Variants in CHST6 observed in about 807,000 individuals in gnomAD.
The protein encoded by CHST6 is carbohydrate sulfotransferase 6.
For synonymous variants in CHST6, 309 were observed against 276.4 expected (o/e 1.12, Z -1.17); for missense variants, 698 against 586.2 (o/e 1.19, Z -1.97).
intron 1 of CHST6, among the ~76,000 whole-genome samples, chr16:75,482,801 C>T (rs1164862668): frequency 6.6e-6 from 1 of 152,108 alleles, no homozygotes; most frequent in East Asian, 1.9e-4. Context: ...GAGCAGATCT[C>T]CTCTCTGCCC....
Position 75,473,958 on chromosome 16 carries a change from G to A in CHST6, c.*4683C>T, listed in dbSNP as rs1251769225. ...AGGCCAAGGCAGGTGGATCACCTGA[G>A]GTCAGGAGTTCCAGCCCAGCCTGAT... On this transcript the variant is annotated 3_prime_UTR_variant, in exon 3 of 3. Transcript: ENST00000332272. 6.6e-6 allele frequency: 1 copy of A among 152,176 alleles called. No homozygotes were observed. The highest frequency in any genetic ancestry group is 2.4e-5 in the African/African-American group (1 of 41,398). The allele number at this position is 152,176 out of a possible 1,614,324, so 9.4% of individuals were successfully genotyped here.
intron 1 of CHST6, among the ~76,000 whole-genome samples, chr16:75,488,073 G>A (rs2080220001): frequency 6.6e-6 from 1 of 152,154 alleles, no homozygotes; most frequent in East Asian, 1.9e-4. Context: ...TTCCAGCCCT[G>A]TTCATAGAAT....
intron 1 of CHST6, among the ~76,000 whole-genome samples, chr16:75,486,823 C>T (rs2080203241): frequency 1.3e-5 from 2 of 152,104 alleles, no homozygotes; most frequent in South Asian, 4.1e-4. Flanking sequence ...GACAGTGAAA[C>T]CCTTGGTGGG....
rs1478882557 is a variant in CHST6, at chr16:75,478,941, C to T, written c.888G>A (p.Thr296=). The change falls in exon 3 of 3, where the codon ACG becomes ACA. Residue 296 remains threonine, a synonymous_variant. Transcript: ENST00000332272. The part of the protein sequence containing the change: ...ALYAFTGLSL[T]PQLEAWIHNI... ...TATGGATCCAGGCCTCGAGCTGTGG[C>T]GTGAGACTGAGCCCAGTGAAGGCGT... The T allele has an allele frequency of 6.2e-7, 1 of 1,612,976 alleles. No individual in the cohort carries two copies. Among genetic ancestry groups the T allele is most frequent in the South Asian group, 1.1e-5 (1 of 91,090 alleles).
In CHST6 at chr16:75,473,718, G is replaced by T. The variant is rs2151661950; in HGVS notation, c.*4923C>A. The T allele has an allele frequency of 6.6e-6, 1 of 152,206 alleles. No individual in the cohort carries two copies. The highest frequency in any genetic ancestry group is 1.9e-4 in the East Asian group (1 of 5,182). The allele number at this position is 152,206 out of a possible 1,614,324, so 9.4% of individuals were successfully genotyped here. A position where few individuals can be genotyped will look rare whatever the true frequency, so the allele number is the denominator to read the frequency against. ...CCTCTCGGATATTTACCATCCCATA[G>T]TTTACCACCTTTGGAAGCCTAAAAC... is the stretch of plus-strand genomic sequence containing the variant. On this transcript the variant is annotated 3_prime_UTR_variant, in exon 3 of 3. Coordinates refer to ENST00000332272, the MANE Select transcript of CHST6 (RefSeq NM_021615.5).
At position 75,477,707 on chromosome 16, in the gene CHST6, C is replaced by G. The variant is rs2080081229; in HGVS notation, c.*934G>C. On this transcript the variant is annotated 3_prime_UTR_variant, in exon 3 of 3. Coordinates refer to ENST00000332272, the MANE Select transcript of CHST6 (RefSeq NM_021615.5). The stretch of plus-strand genomic sequence containing the variant: ...GGAGGTGTGGCTCACAGGCAGGGAT[C>G]ATCCTCTGCTTTCCTCCAAGGCCTG... The G allele has an allele frequency of 6.6e-6, 1 of 152,536 alleles. No homozygotes were observed. Among genetic ancestry groups the G allele is most frequent in the South Asian group, 2.1e-4 (1 of 4,836 alleles). 9.4% of individuals were successfully genotyped at this position (152,536 alleles called of 1,614,324 possible). A position where few individuals can be genotyped will look rare whatever the true frequency, so the allele number is the denominator to read the frequency against.
At chr16:75,488,505 TG>T (rs2080224815) in intron 1 of CHST6, among the ~76,000 whole-genome samples, 1 of 146,424 alleles carries the variant, frequency 6.8e-6, no homozygotes, top group African/African-American at 2.5e-5. Context: ...TCCCAAAGGC[TG>T]GAAAAAACAT....
chr16:75,478,934 G>T lies in CHST6; in HGVS notation c.895C>A (p.Leu299Ile), dbSNP rs1396047737. 1 of 1,613,132 alleles carries T rather than the reference G, an allele frequency of 6.2e-7. No individual in the cohort carries two copies. Among genetic ancestry groups the T allele is most frequent in the Non-Finnish European group, 8.5e-7 (1 of 1,179,960 alleles). ...GTGATGTTATGGATCCAGGCCTCGA[G>T]CTGTGGCGTGAGACTGAGCCCAGTG... ...AFTGLSLTPQLEAWIHNITHG... is the reference protein window; with the variant it reads ...AFTGLSLTPQIEAWIHNITHG... The change falls in exon 3 of 3, where the codon CTC becomes ATC. Residue 299 changes from leucine (L) to isoleucine (I), a missense_variant. Leu to Ile is a conservative substitution (Grantham distance 5). Transcript: ENST00000332272.
chr16:75,483,512 G>A lies in CHST6; in HGVS notation c.-91-1621C>T, dbSNP rs2080164180. On this transcript the variant is annotated intron_variant, in intron 1 of 2. Transcript: ENST00000332272. Reference sequence around the variant, plus strand: ...TTCCTAGCTGAGAGCATTCTGATAGGAGCCTTACGTTCAGCACAGTAGACA... The same window carrying A: ...TTCCTAGCTGAGAGCATTCTGATAGAAGCCTTACGTTCAGCACAGTAGACA... 2.0e-5 allele frequency among the ~76,000 whole-genome samples: 3 copies of A among 152,168 alleles called. No individual in the cohort carries two copies. In the South Asian group the frequency reaches 6.2e-4, roughly 32 times the overall value.
At chr16:75,489,105 A>C (rs2151672251) in intron 1 of CHST6, among the ~76,000 whole-genome samples, 1 of 151,900 alleles carries the variant, frequency 6.6e-6, no homozygotes, top group East Asian at 1.9e-4. Context: ...GAGGTGTAGA[A>C]AAATTAAGGG....
intron 1 of CHST6, among the ~76,000 whole-genome samples, chr16:75,484,573 C>T (rs1230487282): frequency 4.0e-5 from 6 of 150,222 alleles, no homozygotes; most frequent in South Asian, 2.1e-4. Context: ...TTCTAAGCCA[C>T]GCATGGTGGC....
chr16:75,479,214 C>T lies in CHST6; in HGVS notation c.615G>A (p.Arg205=). ...TCTGCTCCCGGGAGCGCAGCACGGCCCGCGGGTCGCGCACCAGGTGCACGA... is the reference window on the plus strand; with the variant it reads ...TCTGCTCCCGGGAGCGCAGCACGGCTCGCGGGTCGCGCACCAGGTGCACGA... ...LRIVHLVRDP[R]AVLRSREQTA... is the part of the protein sequence containing the mutation. Residue 205 remains arginine (R), a synonymous_variant, in exon 3 of 3, where the codon CGG becomes CGA. Coordinates refer to ENST00000332272, the MANE Select transcript of CHST6 (RefSeq NM_021615.5). 6.2e-7 allele frequency: 1 copy of T among 1,609,964 alleles called. No individual in the cohort carries two copies. The highest frequency in any genetic ancestry group is 8.5e-7 in the Non-Finnish European group (1 of 1,179,418).
rs1479127893 is a variant in CHST6, at chr16:75,472,321, TA to T, written c.*6319del. The T allele has an allele frequency of 6.6e-6, 1 of 152,040 alleles. No homozygotes were observed. Among genetic ancestry groups the T allele is most frequent in the Non-Finnish European group, 1.5e-5 (1 of 67,992 alleles). The allele number at this position is 152,040 out of a possible 1,614,324, so 9.4% of individuals were successfully genotyped here. ...TAAGAAGCCTGAGGGGAAAATGCCA[TA>T]AAGTAAGTTAACAAAACAACAACAA... On this transcript the variant is annotated 3_prime_UTR_variant, in exon 3 of 3. Coordinates refer to ENST00000332272, the MANE Select transcript of CHST6 (RefSeq NM_021615.5).
Position 75,478,129 on chromosome 16 carries a change from G to A in CHST6, c.*512C>T, listed in dbSNP as rs1171187725. 5.3e-6 allele frequency: 1 copy of A among 188,554 alleles called. No individual in the cohort carries two copies. Among genetic ancestry groups the A allele is most frequent in the Admixed American group, 5.3e-5 (1 of 18,732 alleles). 11.7% of individuals were successfully genotyped at this position (188,554 alleles called of 1,614,324 possible). ...TATCCACTGGAGACCCAGAGCAAAA[G>A]CTCTCTCCTCCCTTCATCCTCCTTC... On this transcript the variant is annotated 3_prime_UTR_variant, in exon 3 of 3. Transcript: ENST00000332272.
chr16:75,490,274 T>A (rs1185943856), intron 1 of CHST6, among the ~76,000 whole-genome samples: 1 of 146,520 alleles, frequency 6.8e-6, no homozygotes, highest in Non-Finnish European at 1.5e-5. Context: ...AGGTCGGGAG[T>A]TCGAGACCAG....
At chr16:75,482,533 C>G (rs1381039404) in intron 1 of CHST6, among the ~76,000 whole-genome samples, 1 of 152,086 alleles carries the variant, frequency 6.6e-6, no homozygotes, top group Non-Finnish European at 1.5e-5. Flanking sequence ...GGGGAAACTC[C>G]GTCTCAAAAC....
Position 75,479,784 on chromosome 16 carries a change from G to A in CHST6, c.45C>T (p.Leu15=), listed in dbSNP as rs748496850. The A allele has an allele frequency of 8.2e-6, 13 of 1,586,756 alleles. No homozygotes were observed. The highest frequency in any genetic ancestry group is 8.0e-5 in the African/African-American group (6 of 74,678). The stretch of plus-strand genomic sequence containing the variant: ...AGAGGAGGAGGAAGGTCTGCGCCAG[G>A]AGGAGCGCGGTCACTGCTGTGCTGG... ...RVSSTAVTAL[L]LAQTFLLLFL... Residue 15 remains leucine (L), a synonymous_variant, in exon 3 of 3, where the codon CTC becomes CTT. Coordinates refer to ENST00000332272, the MANE Select transcript of CHST6 (RefSeq NM_021615.5).
rs978832962 is a variant in CHST6 at position 75,472,842 on chromosome 16, A to T, written c.*5799T>A. On this transcript the variant is annotated 3_prime_UTR_variant, in exon 3 of 3. Transcript: ENST00000332272. ...ATTCCAGGCAACACTGTTTCTATGC[A>T]CCCATCAGCCCATCTAGTGCTTTGA... 4 of 152,138 alleles carry T rather than the reference A, an allele frequency of 2.6e-5. No homozygotes were observed. Among genetic ancestry groups the T allele is most frequent in the East Asian group, 1.9e-4 (1 of 5,194 alleles). The allele number at this position is 152,138 out of a possible 1,614,324, so 9.4% of individuals were successfully genotyped here. A position where few individuals can be genotyped will look rare whatever the true frequency, so the allele number is the denominator to read the frequency against.
At position 75,473,255 on chromosome 16, in the gene CHST6, C is replaced by G. The variant is rs972313480; in HGVS notation, c.*5386G>C. ...AGTGGTGGACTCAGTTTCCCCACCTCTGAATCTGGGTGAGCCCTGGGACTC... is the reference window on the plus strand; with the variant it reads ...AGTGGTGGACTCAGTTTCCCCACCTGTGAATCTGGGTGAGCCCTGGGACTC... On this transcript the variant is annotated 3_prime_UTR_variant, in exon 3 of 3. Coordinates refer to ENST00000332272, the MANE Select transcript of CHST6 (RefSeq NM_021615.5). 1 of 152,320 alleles carries G rather than the reference C, an allele frequency of 6.6e-6. No homozygotes were observed. The allele number at this position is 152,320 out of a possible 1,614,324, so 9.4% of individuals were successfully genotyped here.
Sources: allele counts gnomAD v4.1 joint callset (sites outside exome capture counted in the v4.1 genomes callset), GRCh38; gene constraint gnomAD v4.1.1; transcripts MANE v1.5; gene names NCBI Gene and HGNC (gene_info 2026-07-23, HGNC 2026-07-21).